The following STRADA variants were observed in gnomAD, a reference collection of about 807,000 sequenced individuals.
STRADA encodes the protein STE20 related adaptor alpha, also known as STE20-related kinase adapter protein alpha.
STRADA carries 26 observed loss-of-function variants against 55.0 expected under a neutral mutation model. The observed-to-expected ratio is 0.47, with a 90% confidence interval of 0.35 to 0.66. The LOEUF (loss-of-function observed/expected upper bound fraction) is 0.66, where lower values mean the gene tolerates loss of function less well. Among genes scored for constraint, STRADA ranks in the 30% least tolerant of loss-of-function variants. The probability of loss-of-function intolerance (pLI) is 0.01; values close to 1 mark genes in which losing one functional copy is unlikely to be tolerated. For missense variants in STRADA, 443 were observed against 549.7 expected (o/e 0.81, Z 1.94); for synonymous variants, 197 against 210.9 (o/e 0.93, Z 0.57).
At chr17:63,708,709 A>G (rs1025414516) in intron 8 of STRADA, among the ~76,000 whole-genome samples, 5 of 151,776 alleles carry the variant, frequency 3.3e-5, no homozygotes, top group African/African-American at 1.2e-4. Flanking sequence ...TAATTTTTGT[A>G]TGTTTAGTAG....
chr17:63,734,897 C>T (rs2038306816), intron 1 of STRADA, among the ~76,000 whole-genome samples: 1 of 152,132 alleles, frequency 6.6e-6, no homozygotes, highest in Non-Finnish European at 1.5e-5. Flanking sequence ...GTGGCTCACA[C>T]CTGTAATCCC....
chr17:63,723,197 A>G, intron 4 of STRADA, 101 bp downstream of exon 4: 1 of 1,334,026 alleles, frequency 7.5e-7, no homozygotes, highest in Non-Finnish European at 1.1e-6. Context: ...AGTGACAGAT[A>G]AGCAGAAACA....
At chr17:63,723,057 G>A (rs2037416379) in intron 4 of STRADA, among the ~76,000 whole-genome samples, 1 of 152,116 alleles carries the variant, frequency 6.6e-6, no homozygotes, top group Non-Finnish European at 1.5e-5. Flanking sequence ...GGGAGAGGAG[G>A]AGACCTTAAT....
At chr17:63,706,832 C>A in intron 9 of STRADA, 93 bp from the exon 10 acceptor site, 4 of 955,096 alleles carry the variant, frequency 4.2e-6, no homozygotes, top group Non-Finnish European at 6.6e-6. Context: ...ATGGCTGTCC[C>A]CACATCAGGA....
At chr17:63,737,851 G>T (rs2038563025) in intron 1 of STRADA, among the ~76,000 whole-genome samples, 1 of 151,966 alleles carries the variant, frequency 6.6e-6, no homozygotes, top group African/African-American at 2.4e-5. Context: ...GCCAGGTGTG[G>T]TGGCATGTGC....
At chr17:63,735,771 G>A (rs1160641269) in intron 1 of STRADA, among the ~76,000 whole-genome samples, 2 of 152,186 alleles carry the variant, frequency 1.3e-5, no homozygotes, top group South Asian at 4.1e-4. Flanking sequence ...GTATAGTAGA[G>A]GAGACGGCAG....
chr17:63,719,236 A>C (rs1353552997), intron 4 of STRADA: 1 of 152,016 alleles, frequency 6.6e-6, no homozygotes, highest in Admixed American at 6.6e-5. Flanking sequence ...TACTCAGAAC[A>C]CTCTATAGAC....
chr17:63,706,580 G>C, intron 10 of STRADA, 55 bp downstream of exon 10: 1 of 1,303,264 alleles, frequency 7.7e-7, no homozygotes, highest in Non-Finnish European at 1.1e-6. Context: ...GCTACTCAAC[G>C]AACATCTGTG....
intron 1 of STRADA, chr17:63,737,279 T>TAAAAAAAAAAAAAAA (rs2038516780): frequency 1.6e-5 from 1 of 63,436 alleles, no homozygotes; most frequent in Non-Finnish European, 3.6e-5. Flanking sequence ...AAAAAAAAAT[T>TAAAAAAAAAAAAAAA]GAGATAGTTC....
intron 1 of STRADA, among the ~76,000 whole-genome samples, chr17:63,730,842 C>T (rs899067865): frequency 4.6e-5 from 7 of 151,808 alleles, no homozygotes; most frequent in South Asian, 4.2e-4. Flanking sequence ...ATTACAGGTG[C>T]GAGCCACTGC....
intron 1 of STRADA, among the ~76,000 whole-genome samples, chr17:63,740,666 A>G (rs1430208793): frequency 2.0e-5 from 3 of 152,192 alleles, no homozygotes; most frequent in Non-Finnish European, 4.4e-5. Context: ...TCAGGTGTGC[A>G]GGGAGGTTAA....
rs74393809 is a variant in STRADA at position 63,716,468 on chromosome 17, A to G, written c.124-2360T>C. On this transcript the variant is annotated intron_variant, in intron 4 of 12. Transcript: ENST00000336174. ...AGATTTCTTAATTTTTGCCAGTCTC[A>G]TGGATTTGATTTACATTTCCCTGAT... Among the ~76,000 whole-genome samples, 975 of 152,154 alleles carry G rather than the reference A, an allele frequency of 6.4e-3. 9 individuals are homozygous for G. The highest frequency in any genetic ancestry group is 9.8e-3 in the Non-Finnish European group (664 of 68,006).
chr17:63,731,960 G>T (rs2038089962), intron 1 of STRADA, among the ~76,000 whole-genome samples: 1 of 152,058 alleles, frequency 6.6e-6, no homozygotes, highest in Non-Finnish European at 1.5e-5. Flanking sequence ...TGCTTCCCAG[G>T]TTCACGCCAT....
intron 8 of STRADA, among the ~76,000 whole-genome samples, chr17:63,709,738 G>A (rs376390407): frequency 6.6e-6 from 1 of 152,152 alleles, no homozygotes; most frequent in Non-Finnish European, 1.5e-5. Flanking sequence ...GTCCTTCTCT[G>A]TATGAGGAGT....
intron 9 of STRADA, 23 bp from the exon 10 acceptor site, chr17:63,706,762 C>T (rs930564738): frequency 1.9e-6 from 3 of 1,571,118 alleles, no homozygotes; most frequent in Non-Finnish European, 2.6e-6. Context: ...AAAAAGGCCA[C>T]AGATTACCCC....
chr17:63,723,308 G>A lies in STRADA; in HGVS notation c.113C>T (p.Thr38Ile). 1 of 1,614,202 alleles carries A rather than the reference G, an allele frequency of 6.2e-7. No individual in the cohort carries two copies. The highest frequency in any genetic ancestry group is 8.5e-7 in the Non-Finnish European group (1 of 1,180,046). Residue 38 changes from threonine (T) to isoleucine (I), a missense_variant, in exon 4 of 13, where the codon ACT (threonine) becomes ATT (isoleucine). Coordinates refer to ENST00000336174, the MANE Select transcript of STRADA (RefSeq NM_001003787.4). ...ELFGEQPPGDTRRKTNDASSE... is the reference protein window; with the variant it reads ...ELFGEQPPGDIRRKTNDASSE... ...TAGGAAGCCACTTACTTTTCTCCGA[G>A]TGTCACCCGGAGGCTGCTCTGGGGT... is the stretch of plus-strand genomic sequence containing the variant.
At chr17:63,740,329 T>C (rs952477666) in intron 1 of STRADA, among the ~76,000 whole-genome samples, 1 of 150,994 alleles carries the variant, frequency 6.6e-6, no homozygotes, top group African/African-American at 2.4e-5. Flanking sequence ...CTGACCAACA[T>C]GGTGAAACCC....
chr17:63,728,192 G>A, intron 2 of STRADA, 142 bp downstream of exon 2: 2 of 689,870 alleles, frequency 2.9e-6, no homozygotes, highest in Middle Eastern at 2.5e-4. Context: ...AGTGGAGGCT[G>A]CACTACCTGC....
intron 1 of STRADA, among the ~76,000 whole-genome samples, chr17:63,735,271 T>C (rs1035010377): frequency 6.6e-6 from 1 of 152,224 alleles, no homozygotes; most frequent in African/African-American, 2.4e-5. Flanking sequence ...GTCAGAGATT[T>C]ATACTTAAGG....
Sources: gnomAD v4.1 joint callset for allele counts (sites outside exome capture counted in the v4.1 genomes callset) on GRCh38, gnomAD v4.1.1 for gene constraint, MANE v1.5 for transcripts, NCBI Gene and HGNC (gene_info 2026-07-23, HGNC 2026-07-21) for gene names.